The following AGBL4 variants were observed in gnomAD, a reference collection of about 807,000 sequenced individuals.
The protein encoded by AGBL4 is cytosolic carboxypeptidase 6.
AGBL4 carries 58 observed loss-of-function variants against 66.4 expected under a neutral mutation model. The ratio of observed to expected loss-of-function variants is 0.87; its 90% confidence interval spans 0.71 to 1.09. The LOEUF is 1.09. Ranked by LOEUF, AGBL4 falls within the 50% of genes least tolerant of loss-of-function variation. The pLI, the probability that AGBL4 is intolerant of heterozygous loss-of-function variation, is 0.00. For missense variants in AGBL4, 579 were observed against 631.0 expected (o/e 0.92, Z 0.88); for synonymous variants, 234 against 222.9 (o/e 1.05, Z -0.44).
intron 6 of AGBL4, among the ~76,000 whole-genome samples, chr1:48,766,654 C>T (rs1400543513): frequency 6.6e-6 from 1 of 152,190 alleles, no homozygotes; most frequent in Middle Eastern, 3.2e-3. Flanking sequence ...GCAGATAGCA[C>T]CTTGATTCAC....
chr1:49,221,864 A>G (rs1328037709), intron 4 of AGBL4, among the ~76,000 whole-genome samples: 2 of 152,182 alleles, frequency 1.3e-5, no homozygotes, highest in African/African-American at 4.8e-5. Context: ...TAAAACACAG[A>G]AAAAGTGTTT....
intron 3 of AGBL4, among the ~76,000 whole-genome samples, chr1:49,304,588 T>C (rs925625662): frequency 3.3e-5 from 5 of 152,090 alleles, no homozygotes; most frequent in African/African-American, 9.7e-5. Flanking sequence ...CAACTATGCC[T>C]AAAACATGGG....
rs577724874 is a variant in AGBL4 at position 49,556,237 on chromosome 1, G to C, written c.282+141076C>G. 4.0e-4 allele frequency among the ~76,000 whole-genome samples: 61 copies of C among 152,196 alleles called. 1 individual carries two copies. Among genetic ancestry groups the C allele is most frequent in the African/African-American group, 1.4e-3 (59 of 41,536 alleles). On this transcript the variant is annotated intron_variant, in intron 3 of 13. Transcript: ENST00000371839. Reference sequence around the variant, plus strand: ...AGTTCATGTCCTTTGTAGGGACATGGATGAAGCTGGAAACCATCATTCTCA... The same window carrying C: ...AGTTCATGTCCTTTGTAGGGACATGCATGAAGCTGGAAACCATCATTCTCA...
At chr1:48,687,821 C>G (rs1363366142) in intron 6 of AGBL4, among the ~76,000 whole-genome samples, 4 of 152,210 alleles carry the variant, frequency 2.6e-5, no homozygotes, top group African/African-American at 9.6e-5. Flanking sequence ...AGGTCCTGCT[C>G]CTGCAGACCT....
chr1:49,622,932 G>A (rs1212118130), intron 3 of AGBL4, among the ~76,000 whole-genome samples: 1 of 152,032 alleles, frequency 6.6e-6, no homozygotes, highest in Non-Finnish European at 1.5e-5. Flanking sequence ...CCCCCTTGGT[G>A]ATATCTTTTC....
intron 4 of AGBL4, among the ~76,000 whole-genome samples, chr1:49,132,189 C>T (rs556159742): frequency 5.9e-5 from 9 of 152,004 alleles, no homozygotes; most frequent in Non-Finnish European, 7.4e-5. Context: ...GTGGTTAACA[C>T]GATCAAATTC....
At chr1:49,764,766 T>G (rs10788918) in intron 2 of AGBL4, among the ~76,000 whole-genome samples, 104,306 of 151,876 alleles carry the variant, frequency 0.69, 36,578 homozygotes, top group African/African-American at 0.79. Context: ...GAACAGAGGA[T>G]CCATAAAGTT....
intron 4 of AGBL4, among the ~76,000 whole-genome samples, chr1:49,112,953 ATT>A (rs780520117): frequency 2.0e-4 from 28 of 142,210 alleles, no homozygotes; most frequent in Non-Finnish European, 2.3e-4. Context: ...CTTCTTTTTA[ATT>A]TTTTTTTTTT....
At chr1:49,383,804 T>TAC (rs200226749) in intron 3 of AGBL4, among the ~76,000 whole-genome samples, 1 of 144,958 alleles carries the variant, frequency 6.9e-6, no homozygotes, top group African/African-American at 2.6e-5. Flanking sequence ...TATATATATA[T>TAC]TTTTTTTTTT....
intron 9 of AGBL4, among the ~76,000 whole-genome samples, chr1:48,628,969 A>AC (rs57804233): frequency 0.64 from 97,599 of 151,618 alleles, 31,741 homozygotes; most frequent in Middle Eastern, 0.75. Flanking sequence ...GCTTCTCCCG[A>AC]CTGGGACTCT....
chr1:49,495,546 C>CAA (rs34612259), intron 3 of AGBL4, among the ~76,000 whole-genome samples: 3 of 131,084 alleles, frequency 2.3e-5, no homozygotes, highest in African/African-American at 8.5e-5. Context: ...TCAGAAGGAA[C>CAA]AAAAAAAAAA....
At chr1:49,271,552 ACG>A (rs1491370079) in intron 3 of AGBL4, among the ~76,000 whole-genome samples, 3 of 148,500 alleles carry the variant, frequency 2.0e-5, no homozygotes, top group Admixed American at 2.0e-4. Flanking sequence ...ACACACACAC[ACG>A]TACATATACA....
At chr1:49,249,720 C>T (rs1321350438) in intron 3 of AGBL4, among the ~76,000 whole-genome samples, 3 of 152,042 alleles carry the variant, frequency 2.0e-5, no homozygotes, top group Non-Finnish European at 4.4e-5. Context: ...CATCACTGGG[C>T]ATTTATCCAA....
chr1:49,950,166 A>G (rs377425379), intron 1 of AGBL4, among the ~76,000 whole-genome samples: 6 of 144,442 alleles, frequency 4.2e-5, no homozygotes, highest in East Asian at 4.1e-4. Flanking sequence ...ATACACACAT[A>G]TATATATACA....
chr1:49,547,365 C>A (rs982767655), intron 3 of AGBL4, among the ~76,000 whole-genome samples: 1 of 152,112 alleles, frequency 6.6e-6, no homozygotes, highest in East Asian at 1.9e-4. Context: ...GGCCTATGTA[C>A]CTATTTTTAT....
chr1:49,647,132 A>G (rs1645905547), intron 3 of AGBL4, among the ~76,000 whole-genome samples: 2 of 152,020 alleles, frequency 1.3e-5, no homozygotes, highest in South Asian at 4.1e-4. Context: ...TTTCTTAGCT[A>G]TGGTAACAAA....
At chr1:49,286,537 C>T (rs1202470870) in intron 3 of AGBL4, among the ~76,000 whole-genome samples, 1 of 151,998 alleles carries the variant, frequency 6.6e-6, no homozygotes, top group Non-Finnish European at 1.5e-5. Context: ...AATCAATGTA[C>T]AAAAATCACA....
At chr1:49,433,885 A>T (rs1645842942) in intron 3 of AGBL4, among the ~76,000 whole-genome samples, 1 of 152,188 alleles carries the variant, frequency 6.6e-6, no homozygotes. Flanking sequence ...TTGAATCTGA[A>T]TCTGTGGGAA....
chr1:49,288,414 G>T (rs1205525381), intron 3 of AGBL4, among the ~76,000 whole-genome samples: 2 of 151,078 alleles, frequency 1.3e-5, no homozygotes, highest in Non-Finnish European at 2.9e-5. Flanking sequence ...GTTAATTCTA[G>T]ATCCAACAGA....
Sources: gnomAD v4.1 joint callset for allele counts (sites outside exome capture counted in the v4.1 genomes callset) on GRCh38, gnomAD v4.1.1 for gene constraint, MANE v1.5 for transcripts, NCBI Gene and HGNC (gene_info 2026-07-23, HGNC 2026-07-21) for gene names.